Variants in SPAG16 observed in about 807,000 individuals in gnomAD.
SPAG16 encodes the protein sperm associated antigen 16.
In SPAG16, 86 loss-of-function variants were observed where a neutral mutation model predicts 80.4. The ratio of observed to expected loss-of-function variants is 1.07; its 90% CI spans 0.90 to 1.28. The LOEUF (loss-of-function observed/expected upper bound fraction) is 1.28, where lower values mean the gene tolerates loss of function less well. Among genes scored for constraint, SPAG16 ranks in the 50% most tolerant of loss-of-function variants. The pLI is 0.00. For synonymous variants in SPAG16, 294 were observed against 265.9 expected (o/e 1.11, Z -1.03); for missense variants, 870 against 765.3 (o/e 1.14, Z -1.61).
At chr2:213,959,791 C>G (rs1203215915) in intron 12 of SPAG16, among the ~76,000 whole-genome samples, 1 of 152,192 alleles carries the variant, frequency 6.6e-6, no homozygotes, top group Non-Finnish European at 1.5e-5. Context: ...TTCACTTCCT[C>G]TTTGTCTCAC....
At chr2:213,519,592 G>C (rs10164985) in intron 10 of SPAG16, among the ~76,000 whole-genome samples, 137,924 of 152,194 alleles carry the variant, frequency 0.91, 63,032 homozygotes, top group East Asian at 0.97. Flanking sequence ...TCAAATTAAA[G>C]CTCTGTCTTT....
At chr2:214,084,323 A>G (rs1337066801) in intron 13 of SPAG16, among the ~76,000 whole-genome samples, 3 of 151,988 alleles carry the variant, frequency 2.0e-5, no homozygotes, top group African/African-American at 7.2e-5. Context: ...GGAACTAAAA[A>G]CAAAATCCTC....
chr2:213,873,077 A>G (rs572007060), intron 11 of SPAG16, among the ~76,000 whole-genome samples: 2 of 152,228 alleles, frequency 1.3e-5, no homozygotes, highest in East Asian at 1.9e-4. Flanking sequence ...GCCTCACAGA[A>G]TAAGTTAGGC....
chr2:213,379,481 C>T (rs1253539153), intron 9 of SPAG16, among the ~76,000 whole-genome samples: 1 of 152,178 alleles, frequency 6.6e-6, no homozygotes, highest in Non-Finnish European at 1.5e-5. Flanking sequence ...ACTTCTTTAG[C>T]CATAAAGTGA....
intron 15 of SPAG16, among the ~76,000 whole-genome samples, chr2:214,153,378 G>A (rs551616261): frequency 2.3e-4 from 35 of 152,220 alleles, no homozygotes; most frequent in Admixed American, 1.6e-3. Flanking sequence ...TTGGAATAAA[G>A]AATAATTGCT....
intron 10 of SPAG16, among the ~76,000 whole-genome samples, chr2:213,622,271 A>G (rs1043797645): frequency 3.9e-5 from 6 of 152,238 alleles, no homozygotes; most frequent in African/African-American, 1.2e-4. Context: ...TCCTGAGGAA[A>G]GGACCTTCAG....
intron 10 of SPAG16, among the ~76,000 whole-genome samples, chr2:213,797,612 T>A (rs974188859): frequency 5.9e-5 from 9 of 152,256 alleles, no homozygotes; most frequent in Non-Finnish European, 1.2e-4. Context: ...AAGTACACTC[T>A]ATTGATATAC....
chr2:213,836,178 C>CA (rs1013781321), intron 10 of SPAG16, among the ~76,000 whole-genome samples: 33 of 48,278 alleles, frequency 6.8e-4, no homozygotes, highest in African/African-American at 2.3e-3. Context: ...CATTATTCGC[C>CA]CCCCCCCCCA....
chr2:213,368,641 G>T (rs1311531283), intron 8 of SPAG16, among the ~76,000 whole-genome samples: 1 of 152,190 alleles, frequency 6.6e-6, no homozygotes, highest in Non-Finnish European at 1.5e-5. Flanking sequence ...GTTTGCAGAT[G>T]ACATGATTGT....
chr2:214,322,568 A>G (rs1696177106), intron 15 of SPAG16, among the ~76,000 whole-genome samples: 1 of 151,736 alleles, frequency 6.6e-6, no homozygotes, highest in South Asian at 2.1e-4. Flanking sequence ...AAAATAAATT[A>G]CATTTTCTTA....
chr2:213,959,598 C>T (rs72950775), intron 12 of SPAG16, among the ~76,000 whole-genome samples: 22,011 of 152,032 alleles, frequency 0.14, 1,983 homozygotes, highest in Non-Finnish European at 0.2. Flanking sequence ...CACAGGAAAC[C>T]CTAAGGAATA....
chr2:213,539,414 G>A (rs1467210579), intron 10 of SPAG16, among the ~76,000 whole-genome samples: 1 of 152,044 alleles, frequency 6.6e-6, no homozygotes, highest in Non-Finnish European at 1.5e-5. Flanking sequence ...AAATTTAGCT[G>A]GCCAAAAACT....
intron 9 of SPAG16, among the ~76,000 whole-genome samples, chr2:213,483,258 C>G (rs1202747521): frequency 1.3e-5 from 2 of 152,014 alleles, no homozygotes; most frequent in Non-Finnish European, 2.9e-5. Flanking sequence ...GCATAGAAAA[C>G]TTTATATGTA....
At chr2:213,566,709 A>T (rs753873130) in intron 10 of SPAG16, among the ~76,000 whole-genome samples, 24 of 152,208 alleles carry the variant, frequency 1.6e-4, no homozygotes, top group Non-Finnish European at 2.8e-4. Context: ...ATTCAAAGCC[A>T]AATTAAATGG....
intron 15 of SPAG16, among the ~76,000 whole-genome samples, chr2:214,243,752 T>C (rs1205282751): frequency 6.6e-6 from 1 of 152,126 alleles, no homozygotes; most frequent in East Asian, 1.9e-4. Context: ...TTGAATGAAA[T>C]GATCTTTTAA....
intron 10 of SPAG16, among the ~76,000 whole-genome samples, chr2:213,526,791 A>T (rs1559222005): frequency 1.3e-5 from 2 of 151,992 alleles, no homozygotes; most frequent in East Asian, 1.9e-4. Flanking sequence ...TTCTAGGTTA[A>T]TTTTTTTTCC....
chr2:214,265,524 T>C (rs1190169389), intron 15 of SPAG16, among the ~76,000 whole-genome samples: 1 of 152,060 alleles, frequency 6.6e-6, no homozygotes, highest in African/African-American at 2.4e-5. Context: ...CTAATACATG[T>C]TTTGCAAACA....
chr2:213,922,942 C>T (rs7573228), intron 11 of SPAG16, among the ~76,000 whole-genome samples: 88,902 of 151,942 alleles, frequency 0.59, 27,815 homozygotes, highest in South Asian at 0.84. Context: ...TCCATGTGCT[C>T]CCTGGGGAAA....
intron 15 of SPAG16, among the ~76,000 whole-genome samples, chr2:214,272,602 C>A (rs963946471): frequency 7.9e-5 from 12 of 152,134 alleles, no homozygotes; most frequent in African/African-American, 2.9e-4. Flanking sequence ...TCATCCATGT[C>A]CCTGCAAAGG....
Sources: allele counts gnomAD v4.1 joint callset (sites outside exome capture counted in the v4.1 genomes callset), GRCh38; gene constraint gnomAD v4.1.1; transcripts MANE v1.5; gene names NCBI Gene and HGNC (gene_info 2026-07-23, HGNC 2026-07-21).